The following GIN1 variants were observed in gnomAD, a reference collection of about 807,000 sequenced individuals.
The protein encoded by GIN1 is gypsy retrotransposon integrase-like protein 1.
In GIN1, 41 loss-of-function variants were observed where a neutral mutation model predicts 51.4. That is an observed-to-expected ratio of 0.80 (90% CI 0.62 to 1.04). GIN1 has a LOEUF of 1.04. GIN1 is among the 50% of genes least tolerant of loss of function. The pLI is 0.00. For missense variants in GIN1, 610 were observed against 612.4 expected (o/e 1.00, Z 0.04); for synonymous variants, 222 against 206.5 (o/e 1.07, Z -0.64).
At chr5:103,101,360 A>T (rs1787569557) in intron 4 of GIN1, among the ~76,000 whole-genome samples, 1 of 152,236 alleles carries the variant, frequency 6.6e-6, no homozygotes, top group Admixed American at 6.5e-5. Context: ...AATGGTGTGC[A>T]ATTAAAAAAC....
At chr5:103,106,228 T>G (rs1331319120) in intron 3 of GIN1, among the ~76,000 whole-genome samples, 3 of 152,134 alleles carry the variant, frequency 2.0e-5, no homozygotes, top group African/African-American at 7.2e-5. Context: ...CTCAGACTTA[T>G]TTCATTATCC....
At chr5:103,089,271 T>G (rs73197880) in intron 7 of GIN1, among the ~76,000 whole-genome samples, 2,476 of 152,276 alleles carry the variant, frequency 0.016, 61 homozygotes, top group African/African-American at 0.057. Flanking sequence ...CAGACTAATA[T>G]GTATAAAAGG....
chr5:103,109,521 C>T lies in GIN1; in HGVS notation c.-7-807G>A, dbSNP rs1020785054. 1.5e-4 allele frequency among the ~76,000 whole-genome samples: 23 copies of T among 152,142 alleles called. No individual in the cohort carries two copies. In the South Asian group the frequency reaches 1.7e-3, roughly 11 times the overall value. Reference sequence around the variant, plus strand: ...ACACAGCTCTTTGCAAATGTAAAACCGTCTTTCTGATCTACTTTTAACTTC... The same window carrying T: ...ACACAGCTCTTTGCAAATGTAAAACTGTCTTTCTGATCTACTTTTAACTTC... On this transcript the variant is annotated intron_variant, in intron 1 of 7. Coordinates refer to ENST00000399004, the MANE Select transcript of GIN1 (RefSeq NM_017676.2).
In GIN1 at chr5:103,101,135, C is replaced by T. The variant is rs1213829719; in HGVS notation, c.640-3354G>A. 2.6e-5 allele frequency among the ~76,000 whole-genome samples: 4 copies of T among 152,198 alleles called. No homozygotes were observed. In the East Asian group the frequency reaches 7.7e-4, roughly 29 times the overall value. Reference sequence around the variant, plus strand: ...GACGATTAACAATATGCCAACATCACTACTCTTGCACTTTGGGGGCATTCT... The same window carrying T: ...GACGATTAACAATATGCCAACATCATTACTCTTGCACTTTGGGGGCATTCT... On this transcript the variant is annotated intron_variant, in intron 4 of 7. Coordinates refer to ENST00000399004, the MANE Select transcript of GIN1 (RefSeq NM_017676.2).
At position 103,104,616 on chromosome 5, in the gene GIN1, A is replaced by C; in HGVS notation, c.564T>G (p.Ala188=). 6.3e-7 allele frequency: 1 copy of C among 1,576,402 alleles called. No homozygotes were observed. The highest frequency in any genetic ancestry group is 1.3e-5 in the African/African-American group (1 of 74,312). Residue 188 remains alanine (A), a synonymous_variant, in exon 4 of 8, where the codon GCT becomes GCG. Coordinates refer to ENST00000399004, the MANE Select transcript of GIN1 (RefSeq NM_017676.2). The stretch of plus-strand genomic sequence containing the variant: ...CATATAAGAAAAATATATTGATAAT[A>C]GCTTTAGAAACTTCTGATGCTGAAA... The part of the protein sequence containing the change: ...CDVSASEVSK[A]IINIFFLYGP...
At chr5:103,101,707 G>A (rs541470965) in intron 4 of GIN1, among the ~76,000 whole-genome samples, 2 of 152,192 alleles carry the variant, frequency 1.3e-5, no homozygotes, top group African/African-American at 4.8e-5. Context: ...GTATGGGTGA[G>A]GAAACATGTG....
At chr5:103,098,277 T>G (rs1435144803) in intron 4 of GIN1, among the ~76,000 whole-genome samples, 1 of 152,104 alleles carries the variant, frequency 6.6e-6, no homozygotes, top group Non-Finnish European at 1.5e-5. Context: ...ATTTATTGAG[T>G]CTTTACTACA....
At position 103,106,969 on chromosome 5, in the gene GIN1, G is replaced by T. The variant is rs1250411832; in HGVS notation, c.140-60C>A. 5 of 843,972 alleles carry T rather than the reference G, an allele frequency of 5.9e-6. No homozygotes were observed. The Admixed American group carries it at 9.7e-5, about 16-fold the overall frequency. The allele number at this position is 843,972 out of a possible 1,614,324, so 52.3% of individuals were successfully genotyped here. On this transcript the variant is annotated intron_variant, in intron 2 of 7. Coordinates refer to ENST00000399004, the MANE Select transcript of GIN1 (RefSeq NM_017676.2). ...TTTTTAGAGATCTACGTAGTTTTAA[G>T]AGAATCATAGCCTTCTCTTTAAACC...
chr5:103,096,736 C>CCACT lies in GIN1; in HGVS notation c.1095_1098dup (p.Gly367SerfsTer4). 2 of 1,612,756 alleles carry CCACT rather than the reference C, an allele frequency of 1.2e-6. No homozygotes were observed. The highest frequency in any genetic ancestry group is 1.7e-6 in the Non-Finnish European group (2 of 1,178,806). On this transcript the variant is annotated frameshift_variant, in exon 7 of 8. Coordinates refer to ENST00000399004, the MANE Select transcript of GIN1 (RefSeq NM_017676.2). LOFTEE classifies it high-confidence loss of function. The stretch of plus-strand genomic sequence containing the variant: ...TTCCTTTGTCTTAAAACTTCATGAC[C>CCACT]CACTTTTAAATGAAATGGATTTAAT...
At chr5:103,090,441 G>A (rs897028716) in intron 7 of GIN1, among the ~76,000 whole-genome samples, 4 of 152,210 alleles carry the variant, frequency 2.6e-5, no homozygotes, top group Admixed American at 6.5e-5. Context: ...CTGTTAATAC[G>A]AGAGAAGGCT....
At chr5:103,108,808 G>A in intron 1 of GIN1, 94 bp from the exon 2 acceptor site, 1 of 789,338 alleles carries the variant, frequency 1.3e-6, no homozygotes, top group Non-Finnish European at 2.0e-6. Context: ...ATTTACATAT[G>A]AACCGAGAAT....
At position 103,097,656 on chromosome 5, in the gene GIN1, A is replaced by G. The variant is rs1554195275; in HGVS notation, c.765T>C (p.Ala255=). The G allele has an allele frequency of 1.2e-6, 2 of 1,611,708 alleles. No homozygotes were observed. Among genetic ancestry groups the G allele is most frequent in the Admixed American group, 1.7e-5 (1 of 59,982 alleles). Residue 255 remains alanine (A), a synonymous_variant, in exon 5 of 8, where the codon GCT becomes GCC. Coordinates refer to ENST00000399004, the MANE Select transcript of GIN1 (RefSeq NM_017676.2). The part of the protein sequence containing the change: ...TIKAFLSKHC[A]DHPNNWDDHL... ...GATCATCCCAATTGTTTGGGTGGTC[A>G]GCACAGTGTTTGGAGAGAAATGCTT... is the stretch of plus-strand genomic sequence containing the variant.
At chr5:103,091,956 C>T (rs1348151205) in intron 7 of GIN1, among the ~76,000 whole-genome samples, 4 of 151,182 alleles carry the variant, frequency 2.6e-5, no homozygotes, top group African/African-American at 7.3e-5. Flanking sequence ...ACCCAGGAGG[C>T]GGAGGTTGCA....
intron 1 of GIN1, among the ~76,000 whole-genome samples, chr5:103,117,837 T>C (rs536789605): frequency 3.9e-5 from 6 of 152,142 alleles, no homozygotes; most frequent in Non-Finnish European, 4.4e-5. Context: ...CTCAAGGTAA[T>C]AAAGTGAGTA....
chr5:103,106,081 C>T (rs1787715870), intron 3 of GIN1, among the ~76,000 whole-genome samples: 1 of 151,996 alleles, frequency 6.6e-6, no homozygotes, highest in Non-Finnish European at 1.5e-5. Context: ...ACAGATATAC[C>T]AAGGAATTCC....
At chr5:103,094,205 T>C (rs1554194795) in intron 7 of GIN1, among the ~76,000 whole-genome samples, 11 of 152,086 alleles carry the variant, frequency 7.2e-5, no homozygotes, top group Non-Finnish European at 1.5e-5. Flanking sequence ...ATGGAAAAGA[T>C]TTTCAAGAAA....
chr5:103,087,997 AT>A lies in GIN1; in HGVS notation c.1469del (p.Asn490IlefsTer7). 1 of 1,601,818 alleles carries A rather than the reference AT, an allele frequency of 6.2e-7. No individual in the cohort carries two copies. The highest frequency in any genetic ancestry group is 8.6e-7 in the Non-Finnish European group (1 of 1,169,292). ...CGTCTATCAATGGAGAGATTTTCGT[AT>A]TTCTATATTCTAATAGTTCACGATC... ...SKDRELLEYR[N>X]TKISPLIDDH... On this transcript the variant is annotated frameshift_variant, in exon 8 of 8. Coordinates refer to ENST00000399004, the MANE Select transcript of GIN1 (RefSeq NM_017676.2). LOFTEE classifies it high-confidence loss of function.
chr5:103,097,464 A>T lies in GIN1; in HGVS notation c.858T>A (p.Phe286Leu). 1 of 1,565,804 alleles carries T rather than the reference A, an allele frequency of 6.4e-7. No individual in the cohort carries two copies. The highest frequency in any genetic ancestry group is 8.8e-7 in the Non-Finnish European group (1 of 1,142,544). ...HLEPTKNTPY[F>L]QMFSRNPYMP... ...TATAAGGATTTCGACTAAACATTTG[A>T]AAATATGGTGTATTTTTAGTAGGTT... The change falls in exon 6 of 8, where the codon TTT (phenylalanine) becomes TTA (leucine). Residue 286 changes from phenylalanine (F) to leucine (L), a missense_variant. Physicochemically the swap from Phe to Leu is conservative, Grantham distance 22 (BLOSUM62 0). Coordinates refer to ENST00000399004, the MANE Select transcript of GIN1 (RefSeq NM_017676.2).
At chr5:103,106,648 G>A (rs1282569919) in intron 3 of GIN1, 68 bp downstream of exon 3, 4 of 944,650 alleles carry the variant, frequency 4.2e-6, no homozygotes, top group Non-Finnish European at 6.3e-6. Context: ...TAAATCTGGA[G>A]AAATAATAAA....
Sources: allele counts gnomAD v4.1 joint callset (sites outside exome capture counted in the v4.1 genomes callset), GRCh38; gene constraint gnomAD v4.1.1; transcripts MANE v1.5; gene names NCBI Gene and HGNC (gene_info 2026-07-23, HGNC 2026-07-21).